HPS5: variants seen among roughly 807,000 people sequenced by gnomAD.
HPS5 encodes the protein BLOC-2 complex member HPS5.
A neutral mutation model predicts 128.0 loss-of-function variants in HPS5; 83 were observed. That is an observed-to-expected ratio of 0.65 (90% CI 0.54 to 0.78). The LOEUF is 0.78. Ranked by LOEUF, HPS5 falls within the 30% of genes least tolerant of loss-of-function variation. The probability of loss-of-function intolerance (pLI) is 0.00; values close to 1 mark genes in which losing one functional copy is unlikely to be tolerated. For missense variants in HPS5, 1,281 were observed against 1,326.2 expected, an observed-to-expected ratio of 0.97 and a Z score of 0.53; for synonymous variants, 475 against 470.2, an observed-to-expected ratio of 1.01 and a Z score of -0.13.
At chr11:18,311,303 G>T in intron 4 of HPS5, 84 bp downstream of exon 4, 1 of 985,672 alleles carries the variant, frequency 1.0e-6, no homozygotes, top group Non-Finnish European at 1.6e-6. Flanking sequence ...AGGCAAACCA[G>T]GATGGTTGGT....
intron 8 of HPS5, 76 bp from the exon 9 acceptor site, chr11:18,300,992 G>T: frequency 1.2e-6 from 1 of 836,962 alleles, no homozygotes; most frequent in Non-Finnish European, 2.1e-6. Flanking sequence ...TCAGATCCTT[G>T]CATTAGCTAT....
intron 18 of HPS5, 27 bp from the exon 19 acceptor site, chr11:18,286,737 A>T (rs560337191): frequency 1.2e-6 from 2 of 1,613,214 alleles, no homozygotes; most frequent in South Asian, 1.1e-5. Flanking sequence ...GAAAAAAGTC[A>T]CCAATCTTCA....
chr11:18,298,299 C>T (rs1861322203), intron 10 of HPS5, among the ~76,000 whole-genome samples: 1 of 151,890 alleles, frequency 6.6e-6, no homozygotes, highest in Non-Finnish European at 1.5e-5. Flanking sequence ...CGAGATCAGC[C>T]TGGCCAACAC....
At chr11:18,297,048 C>A in intron 11 of HPS5, 64 bp from the exon 12 acceptor site, 1 of 1,031,014 alleles carries the variant, frequency 9.7e-7, no homozygotes, top group Non-Finnish European at 1.5e-6. Context: ...GTTAATATAA[C>A]TTCTGCAGAG....
chr11:18,309,269 C>T (rs764065598), intron 5 of HPS5, among the ~76,000 whole-genome samples, 190 bp from the exon 6 acceptor site: 17 of 152,148 alleles, frequency 1.1e-4, no homozygotes, highest in Non-Finnish European at 1.2e-4. Context: ...TAATCTGGTA[C>T]GTAACTGCAG....
intron 3 of HPS5, 62 bp downstream of exon 3, chr11:18,311,852 A>G: frequency 1.8e-6 from 2 of 1,081,094 alleles, no homozygotes; most frequent in South Asian, 2.5e-5. Context: ...TTTATATTGG[A>G]GAAATTTGCA....
intron 6 of HPS5, among the ~76,000 whole-genome samples, chr11:18,307,878 G>A (rs151333133): frequency 4.7e-4 from 71 of 152,230 alleles, no homozygotes; most frequent in African/African-American, 1.6e-3. Context: ...CAGAAAGCAC[G>A]TCTAAACATG....
chr11:18,305,732 C>CT (rs11345742), intron 7 of HPS5, among the ~76,000 whole-genome samples: 159 of 119,866 alleles, frequency 1.3e-3, no homozygotes, highest in African/African-American at 1.5e-3. Context: ...AGAATAAAAT[C>CT]TTTTTTTTTT....
chr11:18,292,898 C>T lies in HPS5; in HGVS notation c.1862+1G>A, dbSNP rs778500897. 1.2e-5 allele frequency: 19 copies of T among 1,610,746 alleles called. No individual in the cohort carries two copies. In the South Asian group the frequency reaches 2.1e-4, roughly 18 times the overall value. ...CTATAAAAGTTTCTCATTATACTCACATTGCTTCTGCTGTTGCTACTTTAA... is the reference window on the plus strand; with the variant it reads ...CTATAAAAGTTTCTCATTATACTCATATTGCTTCTGCTGTTGCTACTTTAA... On this transcript the variant is annotated splice_donor_variant, in intron 15 of 22. Coordinates refer to ENST00000349215, the MANE Select transcript of HPS5 (RefSeq NM_181507.2). LOFTEE classifies it high-confidence loss of function.
intron 8 of HPS5, among the ~76,000 whole-genome samples, chr11:18,301,454 CAAA>C (rs899074500): frequency 1.2e-4 from 6 of 52,074 alleles, no homozygotes; most frequent in East Asian, 6.0e-4. Context: ...GACTCTGTCT[CAAA>C]AAAAAAAAAA....
chr11:18,281,794 A>G, intron 22 of HPS5, 156 bp downstream of exon 22: 1 of 841,490 alleles, frequency 1.2e-6, no homozygotes. Flanking sequence ...TGAATGAAAT[A>G]TTACTTTAGC....
chr11:18,321,389 A>G (rs987989016), intron 1 of HPS5, among the ~76,000 whole-genome samples: 39 of 152,318 alleles, frequency 2.6e-4, no homozygotes, highest in Admixed American at 2.3e-3. Flanking sequence ...CCTTTCTGCA[A>G]AGCTGAGTTT....
intron 16 of HPS5, among the ~76,000 whole-genome samples, chr11:18,289,198 T>C (rs60677587): frequency 0.14 from 21,141 of 152,162 alleles, 1,575 homozygotes; most frequent in African/African-American, 0.19. Flanking sequence ...AAAAAAGTCA[T>C]TTTTTCCCCA....
chr11:18,292,469 C>T (rs915211310), intron 15 of HPS5, among the ~76,000 whole-genome samples: 8 of 152,148 alleles, frequency 5.3e-5, no homozygotes, highest in Non-Finnish European at 1.0e-4. Flanking sequence ...GCTGGGATTA[C>T]AGTCATGAGC....
intron 6 of HPS5, among the ~76,000 whole-genome samples, chr11:18,306,876 T>C (rs1334773323): frequency 6.6e-6 from 1 of 152,156 alleles, no homozygotes; most frequent in Non-Finnish European, 1.5e-5. Flanking sequence ...TTACATGAGT[T>C]AGATATATAA....
intron 16 of HPS5, among the ~76,000 whole-genome samples, chr11:18,288,223 G>GC (rs1446938408): frequency 6.6e-6 from 1 of 152,112 alleles, no homozygotes; most frequent in Admixed American, 6.5e-5. Context: ...TAATTGGGAG[G>GC]CAAAGCATAT....
chr11:18,282,329 A>G lies in HPS5; in HGVS notation c.3059-109T>C. ...TTAATGCCAAAACGTAAAAATATTC[A>G]AGAACACAATCTCATCACCCTAACA... On this transcript the variant is annotated intron_variant, in intron 21 of 22. Coordinates refer to ENST00000349215, the MANE Select transcript of HPS5 (RefSeq NM_181507.2). The G allele has an allele frequency of 3.2e-6, 4 of 1,245,238 alleles. No individual in the cohort carries two copies. In the East Asian group the frequency reaches 9.3e-5, roughly 29 times the overall value. The allele number at this position is 1,245,238 out of a possible 1,614,324, so 77.1% of individuals were successfully genotyped here. A position where few individuals can be genotyped will look rare whatever the true frequency, so the allele number is the denominator to read the frequency against.
At chr11:18,311,668 G>A (rs530189890) in intron 3 of HPS5, 38 of 555,148 alleles carry the variant, frequency 6.8e-5, no homozygotes, top group South Asian at 4.0e-4. Flanking sequence ...TCACCACCAC[G>A]CCCAGCTAAT....
At chr11:18,320,240 C>T (rs1864161759) in intron 1 of HPS5, among the ~76,000 whole-genome samples, 1 of 152,340 alleles carries the variant, frequency 6.6e-6, no homozygotes, top group Admixed American at 6.5e-5. Context: ...CCTGAAATGA[C>T]TGCTTCCCTT....
Sources: allele counts gnomAD v4.1 joint callset (sites outside exome capture counted in the v4.1 genomes callset), GRCh38; gene constraint gnomAD v4.1.1; transcripts MANE v1.5; gene names NCBI Gene and HGNC (gene_info 2026-07-23, HGNC 2026-07-21).